The following CNTNAP2 variants were observed in gnomAD, a reference collection of about 807,000 sequenced individuals.
CNTNAP2 encodes contactin associated protein 2, also known as contactin-associated protein-like 2.
In CNTNAP2, 98 loss-of-function variants were observed where a neutral mutation model predicts 155.2. The observed-to-expected ratio is 0.63, with a 90% CI of 0.54 to 0.75. The LOEUF (loss-of-function observed/expected upper bound fraction) is 0.75, where lower values mean the gene tolerates loss of function less well. Ranked by LOEUF, CNTNAP2 falls within the 30% of genes least tolerant of loss-of-function variation. The pLI, the probability that CNTNAP2 is intolerant of heterozygous loss-of-function variation, is 0.00. For synonymous variants in CNTNAP2, 651 were observed against 631.2 expected (o/e 1.03, Z -0.47); for missense variants, 1,727 against 1,688.1 (o/e 1.02, Z -0.40).
intron 10 of CNTNAP2, among the ~76,000 whole-genome samples, chr7:147,452,598 AAAG>A (rs1298976764): frequency 2.6e-5 from 4 of 152,222 alleles, no homozygotes; most frequent in Admixed American, 1.3e-4. Context: ...TTACATATGA[AAAG>A]AAGTTCATGC....
rs116176191 is a variant in CNTNAP2 at position 147,818,143 on chromosome 7, T to C, written c.2099-85422T>C. On this transcript the variant is annotated intron_variant, in intron 13 of 23. Transcript: ENST00000361727. ...AAAGAGGTATAATATTATTGTGTGG[T>C]TGCTCTGTGATGGTACGAGTAGGCA... Among the ~76,000 whole-genome samples, 1,477 of 152,200 alleles carry C rather than the reference T, an allele frequency of 9.7e-3. 31 individuals are homozygous for C. Among genetic ancestry groups the C allele is most frequent in the African/African-American group, 0.034 (1,396 of 41,516 alleles).
chr7:147,975,704 T>A (rs187129680), intron 14 of CNTNAP2, among the ~76,000 whole-genome samples: 1 of 152,304 alleles, frequency 6.6e-6, no homozygotes, highest in Admixed American at 6.5e-5. Flanking sequence ...TAAATTGAAG[T>A]GTAGATGGTT....
intron 1 of CNTNAP2, among the ~76,000 whole-genome samples, chr7:146,485,668 G>A (rs889687379): frequency 2.0e-5 from 3 of 152,086 alleles, no homozygotes; most frequent in African/African-American, 7.2e-5. Flanking sequence ...TGCCATCCAA[G>A]CTGGAGTGCA....
At chr7:147,459,174 T>A (rs1313556461) in intron 10 of CNTNAP2, among the ~76,000 whole-genome samples, 1 of 152,234 alleles carries the variant, frequency 6.6e-6, no homozygotes, top group Non-Finnish European at 1.5e-5. Flanking sequence ...TACATTTTAA[T>A]TGTATTTAAT....
chr7:146,224,920 A>G (rs530629894), intron 1 of CNTNAP2, among the ~76,000 whole-genome samples: 1 of 152,320 alleles, frequency 6.6e-6, no homozygotes, highest in African/African-American at 2.4e-5. Flanking sequence ...AATAACAGAA[A>G]TGCCCTTTGC....
chr7:146,348,093 T>C (rs1794844865), intron 1 of CNTNAP2, among the ~76,000 whole-genome samples: 1 of 152,126 alleles, frequency 6.6e-6, no homozygotes, highest in Admixed American at 6.5e-5. Context: ...TACCACTCTA[T>C]GATATTATTT....
chr7:148,275,951 G>T (rs1796864064), intron 21 of CNTNAP2, among the ~76,000 whole-genome samples: 1 of 152,138 alleles, frequency 6.6e-6, no homozygotes, highest in South Asian at 2.1e-4. Context: ...AACACAGTGT[G>T]CTATGAGAGA....
intron 1 of CNTNAP2, among the ~76,000 whole-genome samples, chr7:146,299,880 T>C (rs1800577424): frequency 6.6e-6 from 1 of 152,158 alleles, no homozygotes. Flanking sequence ...AGAGAATAAG[T>C]TCAGATATGA....
intron 13 of CNTNAP2, among the ~76,000 whole-genome samples, chr7:147,744,544 A>G (rs1797006502): frequency 6.6e-6 from 1 of 152,220 alleles, no homozygotes; most frequent in South Asian, 2.1e-4. Flanking sequence ...TTGCTCTGAG[A>G]AAACATCATC....
intron 4 of CNTNAP2, among the ~76,000 whole-genome samples, chr7:147,088,286 T>C (rs1422877983): frequency 6.6e-6 from 1 of 152,172 alleles, no homozygotes; most frequent in South Asian, 2.1e-4. Context: ...GACCCTTTAA[T>C]AGAAAAAGAA....
chr7:147,062,177 C>A (rs1430663230), intron 4 of CNTNAP2, among the ~76,000 whole-genome samples: 11 of 99,736 alleles, frequency 1.1e-4, no homozygotes, highest in South Asian at 7.2e-4. Context: ...AAAACCAGTT[C>A]TTTATGATAT....
chr7:147,586,776 A>G (rs1322079067), intron 12 of CNTNAP2, among the ~76,000 whole-genome samples: 1 of 152,054 alleles, frequency 6.6e-6, no homozygotes, highest in East Asian at 1.9e-4. Context: ...CCACTTGGAA[A>G]CCACATGCTC....
At chr7:147,137,482 G>T (rs573112532) in intron 8 of CNTNAP2, among the ~76,000 whole-genome samples, 3 of 151,506 alleles carry the variant, frequency 2.0e-5, no homozygotes, top group Non-Finnish European at 4.4e-5. Context: ...GTTCTCAGAA[G>T]TCAAAAACAA....
intron 3 of CNTNAP2, among the ~76,000 whole-genome samples, chr7:146,956,622 C>T (rs1164708250): frequency 6.6e-6 from 1 of 152,112 alleles, no homozygotes; most frequent in Non-Finnish European, 1.5e-5. Flanking sequence ...ATTATGAATA[C>T]TTAATGTATT....
rs1005981564 is a variant in CNTNAP2, at chr7:148,137,109, T to C, written c.2555-10382T>C. Among the ~76,000 whole-genome samples the C allele has an allele frequency of 2.6e-5, 4 of 152,178 alleles. No individual in the cohort carries two copies. In the East Asian group the frequency reaches 7.7e-4, roughly 29 times the overall value. On this transcript the variant is annotated intron_variant, in intron 16 of 23. Coordinates refer to ENST00000361727, the MANE Select transcript of CNTNAP2 (RefSeq NM_014141.6). ...CATATGAACTCAAGGGTCTACTAAC[T>C]CTTCTACAACTTTAAAGGAGCACTT...
intron 20 of CNTNAP2, among the ~76,000 whole-genome samples, chr7:148,259,505 T>C (rs1796517684): frequency 6.6e-6 from 1 of 152,282 alleles, no homozygotes; most frequent in East Asian, 1.9e-4. Context: ...TCCCTAAAAT[T>C]AACGATTAGG....
At chr7:147,045,108 G>A (rs1477262350) in intron 4 of CNTNAP2, among the ~76,000 whole-genome samples, 1 of 152,094 alleles carries the variant, frequency 6.6e-6, no homozygotes, top group Middle Eastern at 3.4e-3. Context: ...CCTCATTCCC[G>A]GAAATTTTTC....
At chr7:146,904,969 ATG>A (rs1452543657) in intron 3 of CNTNAP2, among the ~76,000 whole-genome samples, 11 of 152,128 alleles carry the variant, frequency 7.2e-5, no homozygotes, top group Admixed American at 7.2e-4. Context: ...CGCATACTGG[ATG>A]TGGCAATGAA....
rs35140702 is a variant in CNTNAP2 at position 147,605,201 on chromosome 7, C to CT, written c.1898-33897dup. ...TAATTATTTTGATCATTGTCCATTT[C>CT]TTTTTTTTCCTTCCTTCTATAGGGA... On this transcript the variant is annotated intron_variant, in intron 12 of 23. Coordinates refer to ENST00000361727, the MANE Select transcript of CNTNAP2 (RefSeq NM_014141.6). Among the ~76,000 whole-genome samples, 16 of 152,078 alleles carry CT rather than the reference C, an allele frequency of 1.1e-4. No individual in the cohort carries two copies. In the East Asian group the frequency reaches 2.5e-3, roughly 24 times the overall value.
Sources: allele counts gnomAD v4.1 joint callset (sites outside exome capture counted in the v4.1 genomes callset), GRCh38; gene constraint gnomAD v4.1.1; transcripts MANE v1.5; gene names NCBI Gene and HGNC (gene_info 2026-07-23, HGNC 2026-07-21).